The following AASS variants were observed in gnomAD, a reference collection of about 807,000 sequenced individuals.
AASS encodes alpha-aminoadipic semialdehyde synthase, mitochondrial.
AASS carries 86 observed loss-of-function variants against 105.4 expected under a neutral mutation model. The observed-to-expected ratio is 0.82, with a 90% CI of 0.69 to 0.98. The LOEUF is 0.98. Ranked by LOEUF, AASS falls within the 50% of genes least tolerant of loss-of-function variation. AASS has a pLI of 0.00. For synonymous variants in AASS, 381 were observed against 394.8 expected, an observed-to-expected ratio of 0.96 and a Z score of 0.41; for missense variants, 1,048 against 1,143.2, an observed-to-expected ratio of 0.92 and a Z score of 1.20.
rs1349592237 is a variant in AASS, at chr7:122,073,861, A to AAGGT, written c.*2627_*2628insACCT. 3.3e-5 allele frequency among the ~76,000 whole-genome samples: 5 copies of AAGGT among 152,104 alleles called. No individual in the cohort carries two copies. Among genetic ancestry groups the AAGGT allele is most frequent in the African/African-American group, 1.2e-4 (5 of 41,400 alleles). On this transcript the variant is annotated 3_prime_UTR_variant, in exon 24 of 24. Coordinates refer to ENST00000417368, the MANE Select transcript of AASS (RefSeq NM_005763.4). ...TGGCCTTTCATGTCTGGCATTCTTC[A>AAGGT]CTTGATATGTTTTCAAGGTTTTTCC... is the stretch of plus-strand genomic sequence containing the variant.
intron 1 of AASS, among the ~76,000 whole-genome samples, chr7:122,140,260 C>A (rs192287661): frequency 3.3e-5 from 5 of 151,638 alleles, no homozygotes; most frequent in African/African-American, 4.9e-5. Context: ...CTGAGGCAGG[C>A]GGATCACGAG....
chr7:122,120,677 T>C (rs1458200317), intron 4 of AASS, among the ~76,000 whole-genome samples: 1 of 151,998 alleles, frequency 6.6e-6, no homozygotes, highest in Non-Finnish European at 1.5e-5. Context: ...TCTTCTCTAA[T>C]AAAAGAATTA....
chr7:122,083,303 G>A (rs181553073), intron 19 of AASS, among the ~76,000 whole-genome samples: 20 of 152,216 alleles, frequency 1.3e-4, no homozygotes, highest in Non-Finnish European at 1.5e-4. Context: ...TGTTTAGCTC[G>A]CTTCTGGGAC....
intron 1 of AASS, among the ~76,000 whole-genome samples, chr7:122,142,229 GT>G (rs1172907678): frequency 6.6e-6 from 1 of 152,054 alleles, no homozygotes; most frequent in African/African-American, 2.4e-5. Flanking sequence ...CTCTTAAGAC[GT>G]TTAATTGAGC....
intron 11 of AASS, among the ~76,000 whole-genome samples, chr7:122,108,094 A>G (rs530370104): frequency 2.6e-5 from 4 of 152,084 alleles, no homozygotes; most frequent in Non-Finnish European, 4.4e-5. Context: ...TCCTGGACAC[A>G]TACAACCTAC....
intron 3 of AASS, 119 bp from the exon 4 acceptor site, chr7:122,126,578 T>C (rs1028660867): frequency 4.8e-6 from 4 of 839,668 alleles, no homozygotes; most frequent in Non-Finnish European, 8.1e-6. Flanking sequence ...CTTAACTTGC[T>C]AACAGAAGCT....
At position 122,115,164 on chromosome 7, in the gene AASS, C is replaced by A; in HGVS notation, c.953G>T (p.Arg318Leu). Residue 318 changes from arginine to leucine, a missense_variant, in exon 9 of 24, where the codon CGC becomes CTC. Coordinates refer to ENST00000417368, the MANE Select transcript of AASS (RefSeq NM_005763.4). ...NGIYWEQNTP[R>L]LLTRQDAQSL... ...CTGAGCATCTTGGCGGGTTAGGAGGCGAGGAGTGTTTTGTTCCCAGTAGAT... is the reference window on the plus strand; with the variant it reads ...CTGAGCATCTTGGCGGGTTAGGAGGAGAGGAGTGTTTTGTTCCCAGTAGAT... The A allele has an allele frequency of 6.2e-7, 1 of 1,614,016 alleles. No individual in the cohort carries two copies. Among genetic ancestry groups the A allele is most frequent in the East Asian group, 2.2e-5 (1 of 44,858 alleles).
In AASS at chr7:122,108,993, G is replaced by A. The variant is rs112714154; in HGVS notation, c.1278+4125C>T. ...CAAAATCAACATACAAAAATTAGTA[G>A]CATTTCTATATGCCAACTGTGAACA... On this transcript the variant is annotated intron_variant, in intron 11 of 23. Coordinates refer to ENST00000417368, the MANE Select transcript of AASS (RefSeq NM_005763.4). Among the ~76,000 whole-genome samples the A allele has an allele frequency of 4.1e-3, 626 of 152,012 alleles. 7 individuals are homozygous for A. The highest frequency in any genetic ancestry group is 0.014 in the African/African-American group (596 of 41,502).
intron 17 of AASS, 123 bp from the exon 18 acceptor site, chr7:122,091,966 T>A: frequency 1.4e-6 from 1 of 691,726 alleles, no homozygotes; most frequent in Non-Finnish European, 2.5e-6. Flanking sequence ...TTAAAGTTAC[T>A]AAGGCATTCA....
intron 15 of AASS, among the ~76,000 whole-genome samples, chr7:122,094,952 C>T (rs1794078970): frequency 6.6e-6 from 1 of 151,964 alleles, no homozygotes; most frequent in African/African-American, 2.4e-5. Flanking sequence ...AGTGGAAAGC[C>T]CACGACAGAA....
intron 8 of AASS, among the ~76,000 whole-genome samples, chr7:122,115,700 G>A (rs543627971): frequency 6.6e-6 from 1 of 152,242 alleles, no homozygotes; most frequent in South Asian, 2.1e-4. Context: ...GCTCTATGGA[G>A]CAATGTGCTA....
intron 7 of AASS, 50 bp from the exon 8 acceptor site, chr7:122,116,810 T>G: frequency 6.2e-7 from 1 of 1,612,630 alleles, no homozygotes; most frequent in Non-Finnish European, 8.5e-7. Flanking sequence ...TAATAAAAAT[T>G]TATGGTGATA....
chr7:122,088,132 C>T (rs909158249), intron 18 of AASS, among the ~76,000 whole-genome samples: 1 of 152,052 alleles, frequency 6.6e-6, no homozygotes, highest in Non-Finnish European at 1.5e-5. Flanking sequence ...AGAGAATATA[C>T]ATTTCTTTCT....
At chr7:122,110,635 T>A (rs1794890304) in intron 11 of AASS, among the ~76,000 whole-genome samples, 1 of 151,876 alleles carries the variant, frequency 6.6e-6, no homozygotes, top group Non-Finnish European at 1.5e-5. Flanking sequence ...CAAGCCAACA[T>A]AAACTTAATA....
At chr7:122,091,419 A>G (rs1793893234) in intron 18 of AASS, among the ~76,000 whole-genome samples, 1 of 152,192 alleles carries the variant, frequency 6.6e-6, no homozygotes, top group South Asian at 2.1e-4. Flanking sequence ...GCTGAAATAA[A>G]TCAAGAGATA....
chr7:122,118,525 G>A, intron 5 of AASS, 38 bp downstream of exon 5: 3 of 1,613,944 alleles, frequency 1.9e-6, no homozygotes, highest in Non-Finnish European at 2.5e-6. Context: ...GGTGTGAGAT[G>A]TGTTTTCAAA....
chr7:122,080,565 C>T (rs542545977), intron 20 of AASS, among the ~76,000 whole-genome samples: 25 of 152,128 alleles, frequency 1.6e-4, no homozygotes, highest in Admixed American at 3.3e-4. Context: ...AAAGGTAAAA[C>T]TTAAGATTGG....
chr7:122,097,550 T>A (rs1347854911), intron 15 of AASS, among the ~76,000 whole-genome samples: 3 of 152,028 alleles, frequency 2.0e-5, no homozygotes, highest in Non-Finnish European at 4.4e-5. Context: ...CAGGCCCTGA[T>A]GTCTGTTGTT....
intron 18 of AASS, among the ~76,000 whole-genome samples, chr7:122,088,430 G>A (rs752980004): frequency 8.5e-5 from 13 of 152,096 alleles, no homozygotes; most frequent in Non-Finnish European, 1.9e-4. Context: ...TGAAAACTGA[G>A]GCTGAGTCAC....
Sources: gnomAD v4.1 joint callset for allele counts (sites outside exome capture counted in the v4.1 genomes callset) on GRCh38, gnomAD v4.1.1 for gene constraint, MANE v1.5 for transcripts, NCBI Gene and HGNC (gene_info 2026-07-23, HGNC 2026-07-21) for gene names.